The following RAPGEF4 variants were observed in gnomAD, a reference collection of about 807,000 sequenced individuals.
RAPGEF4 encodes the protein Rap guanine nucleotide exchange factor 4.
In RAPGEF4, 66 loss-of-function variants were observed where a neutral mutation model predicts 147.9. The ratio of observed to expected loss-of-function variants is 0.45; its 90% confidence interval spans 0.37 to 0.55. The LOEUF (loss-of-function observed/expected upper bound fraction) is 0.55, where lower values mean the gene tolerates loss of function less well. RAPGEF4 is among the 20% of genes least tolerant of loss of function. RAPGEF4 has a pLI of 0.00. For missense variants in RAPGEF4, 1,071 were observed against 1,257.3 expected (o/e 0.85, Z 2.24); for synonymous variants, 419 against 442.7 (o/e 0.95, Z 0.67).
At chr2:172,934,853 G>T (rs1365286564) in intron 6 of RAPGEF4, among the ~76,000 whole-genome samples, 3 of 152,072 alleles carry the variant, frequency 2.0e-5, no homozygotes, top group Non-Finnish European at 4.4e-5. Flanking sequence ...TAAGTTACAG[G>T]TGGCAGAAAC....
intron 4 of RAPGEF4, among the ~76,000 whole-genome samples, chr2:172,869,203 A>G (rs1024499008): frequency 6.6e-6 from 1 of 152,226 alleles, no homozygotes; most frequent in African/African-American, 2.4e-5. Context: ...GGGGACCTCA[A>G]TGAGATAACA....
intron 4 of RAPGEF4, among the ~76,000 whole-genome samples, chr2:172,868,287 A>C (rs1694843699): frequency 6.6e-6 from 1 of 152,234 alleles, no homozygotes; most frequent in South Asian, 2.1e-4. Flanking sequence ...TGAAAGAAAG[A>C]CCTTTGCTTC....
chr2:172,795,558 A>G (rs538443011), intron 2 of RAPGEF4, among the ~76,000 whole-genome samples: 1 of 152,380 alleles, frequency 6.6e-6, no homozygotes, highest in East Asian at 1.9e-4. Flanking sequence ...TAATGCCAGT[A>G]ATATCATCTA....
At chr2:173,011,525 T>C (rs1439090309) in intron 17 of RAPGEF4, among the ~76,000 whole-genome samples, 1 of 152,116 alleles carries the variant, frequency 6.6e-6, no homozygotes, top group Non-Finnish European at 1.5e-5. Flanking sequence ...CATGTTATCA[T>C]AACAAGTAGG....
intron 1 of RAPGEF4, among the ~76,000 whole-genome samples, chr2:172,777,644 G>A (rs1182196599): frequency 3.9e-5 from 6 of 152,016 alleles, no homozygotes; most frequent in East Asian, 1.9e-4. Context: ...TCACGTCACT[G>A]CACATTCCAG....
At chr2:172,795,856 T>C (rs560085046) in intron 2 of RAPGEF4, among the ~76,000 whole-genome samples, 2 of 152,248 alleles carry the variant, frequency 1.3e-5, no homozygotes, top group Non-Finnish European at 2.9e-5. Flanking sequence ...TGTTTTTGTA[T>C]GCATTCTGAG....
chr2:173,017,384 G>T (rs1325262498), intron 20 of RAPGEF4, 42 bp from the exon 21 acceptor site: 3 of 1,569,610 alleles, frequency 1.9e-6, no homozygotes, highest in East Asian at 2.2e-5. Flanking sequence ...AGCATGCATT[G>T]GTCACTGTCC....
intron 4 of RAPGEF4, among the ~76,000 whole-genome samples, chr2:172,825,333 G>A (rs564334322): frequency 5.3e-5 from 8 of 152,332 alleles, no homozygotes; most frequent in African/African-American, 1.4e-4. Context: ...CAGAATGGTT[G>A]TATGGCTACT....
chr2:172,814,391 G>C lies in RAPGEF4; in HGVS notation c.410G>C (p.Arg137Pro). Residue 137 changes from arginine (R) to proline (P), a missense_variant, in exon 4 of 31, where the codon CGC becomes CCC. Transcript: ENST00000397081. The stretch of plus-strand genomic sequence containing the variant: ...ACCAGGGAGAGCAGTGAACTGCTCC[G>C]CATCGAGCAGAAGGACTTCAAGGCA... The part of the protein sequence containing the change: ...IVTRESSELL[R>P]IEQKDFKALW... The C allele has an allele frequency of 6.2e-7, 1 of 1,614,090 alleles. No individual in the cohort carries two copies. The highest frequency in any genetic ancestry group is 8.5e-7 in the Non-Finnish European group (1 of 1,179,978).
At position 172,853,473 on chromosome 2, in the gene RAPGEF4, C is replaced by G. The variant is rs373640890; in HGVS notation, c.444+39048C>G. Among the ~76,000 whole-genome samples the G allele has an allele frequency of 1.5e-3, 234 of 152,066 alleles. 1 individual carries two copies. Among genetic ancestry groups the G allele is most frequent in the African/African-American group, 5.5e-3 (230 of 41,552 alleles). On this transcript the variant is annotated intron_variant, in intron 4 of 30. Coordinates refer to ENST00000397081, the MANE Select transcript of RAPGEF4 (RefSeq NM_007023.4). ...CAGTGTATCAGGATTTGCAGATACA[C>G]TGCAAAGAACCAACTTTTGTTTATT...
intron 11 of RAPGEF4, among the ~76,000 whole-genome samples, chr2:172,984,664 T>C (rs1250251547): frequency 6.6e-6 from 1 of 152,078 alleles, no homozygotes; most frequent in Non-Finnish European, 1.5e-5. Context: ...GAAGCCCTCA[T>C]ATATACAGGG....
At chr2:172,872,242 G>A (rs1382973728) in intron 4 of RAPGEF4, among the ~76,000 whole-genome samples, 1 of 152,010 alleles carries the variant, frequency 6.6e-6, no homozygotes. Context: ...TTTAGCACTG[G>A]TTAACAAAAC....
chr2:172,896,073 A>G (rs1173726730), intron 4 of RAPGEF4, among the ~76,000 whole-genome samples: 1 of 152,218 alleles, frequency 6.6e-6, no homozygotes, highest in Non-Finnish European at 1.5e-5. Flanking sequence ...ACATTTCTTT[A>G]CAATCTTCCA....
chr2:172,952,706 C>A (rs1285553252), intron 6 of RAPGEF4, among the ~76,000 whole-genome samples: 1 of 152,170 alleles, frequency 6.6e-6, no homozygotes, highest in Non-Finnish European at 1.5e-5. Flanking sequence ...TCTAAAGTTA[C>A]CATTTTATTT....
intron 4 of RAPGEF4, among the ~76,000 whole-genome samples, chr2:172,909,513 G>A (rs540898622): frequency 2.0e-5 from 3 of 152,310 alleles, no homozygotes; most frequent in African/African-American, 7.2e-5. Flanking sequence ...CAGGGAAAGG[G>A]TTTACAGGGG....
At chr2:172,914,508 C>T (rs548751387) in intron 4 of RAPGEF4, among the ~76,000 whole-genome samples, 54 of 149,492 alleles carry the variant, frequency 3.6e-4, no homozygotes, top group African/African-American at 1.3e-3. Context: ...CGGAAATATG[C>T]ATTTTAAAAT....
chr2:173,026,455 T>C (rs963837227), intron 23 of RAPGEF4, 117 bp from the exon 24 acceptor site: 33 of 1,134,888 alleles, frequency 2.9e-5, no homozygotes, highest in Non-Finnish European at 1.5e-5. Flanking sequence ...AGTTTCCAGA[T>C]ATTCCTGAAA....
At chr2:173,012,772 G>T (rs1198701532) in intron 17 of RAPGEF4, among the ~76,000 whole-genome samples, 1 of 152,124 alleles carries the variant, frequency 6.6e-6, no homozygotes, top group Admixed American at 6.5e-5. Context: ...TCCCACTCTC[G>T]GGTGAACCAG....
chr2:172,784,209 C>G (rs1166179569), intron 1 of RAPGEF4, among the ~76,000 whole-genome samples: 1 of 152,160 alleles, frequency 6.6e-6, no homozygotes, highest in Non-Finnish European at 1.5e-5. Flanking sequence ...AGATGATACT[C>G]AGTAACGAAC....
Sources: gnomAD v4.1 joint callset for allele counts (sites outside exome capture counted in the v4.1 genomes callset) on GRCh38, gnomAD v4.1.1 for gene constraint, MANE v1.5 for transcripts, NCBI Gene and HGNC (gene_info 2026-07-23, HGNC 2026-07-21) for gene names.